The following SLC14A2 variants were observed in gnomAD, a reference collection of about 807,000 sequenced individuals.
SLC14A2 encodes the protein solute carrier family 14 member 2, also known as urea transporter 2.
In SLC14A2, 91 loss-of-function variants were observed where a neutral mutation model predicts 104.6. That is an observed-to-expected ratio of 0.87 (90% CI 0.73 to 1.04). SLC14A2 has a LOEUF of 1.04. Among genes scored for constraint, SLC14A2 ranks in the 50% least tolerant of loss-of-function variants. The pLI, the probability that SLC14A2 is intolerant of heterozygous loss-of-function variation, is 0.00. For synonymous variants in SLC14A2, 476 were observed against 466.4 expected, an observed-to-expected ratio of 1.02 and a Z score of -0.27; for missense variants, 1,189 against 1,156.0, an observed-to-expected ratio of 1.03 and a Z score of -0.41.
At chr18:45,572,902 G>A (rs540548790) in intron 2 of SLC14A2, among the ~76,000 whole-genome samples, 2 of 152,322 alleles carry the variant, frequency 1.3e-5, no homozygotes, top group South Asian at 2.1e-4. Flanking sequence ...ATAAGGATGA[G>A]TACGTAATAA....
intron 1 of SLC14A2, among the ~76,000 whole-genome samples, chr18:45,311,811 G>T (rs1281111359): frequency 6.6e-6 from 1 of 152,192 alleles, no homozygotes; most frequent in Non-Finnish European, 1.5e-5. Context: ...ACTGATCTGT[G>T]TGATTCTTGA....
At chr18:45,303,148 A>G (rs770703758) in intron 1 of SLC14A2, among the ~76,000 whole-genome samples, 5 of 152,248 alleles carry the variant, frequency 3.3e-5, no homozygotes, top group African/African-American at 4.8e-5. Flanking sequence ...CAGAGACTCC[A>G]GCACAGCCAC....
intron 2 of SLC14A2, among the ~76,000 whole-genome samples, chr18:45,544,770 T>C (rs571778064): frequency 6.7e-6 from 1 of 149,996 alleles, no homozygotes; most frequent in Non-Finnish European, 1.5e-5. Flanking sequence ...ATTATATATA[T>C]ATTTATCAAT....
At chr18:45,202,509 A>AT in the SLC14A2 span, among the ~76,000 whole-genome samples, 1,205 of 152,296 alleles carry the variant, frequency 7.9e-3, 24 homozygotes, top group African/African-American at 0.027. Flanking sequence ...CAAACATAAC[A>AT]TTGGGGAGTA....
intron 1 of SLC14A2, among the ~76,000 whole-genome samples, chr18:45,216,713 TA>T (rs111479071): frequency 0.11 from 16,554 of 152,194 alleles, 930 homozygotes; most frequent in Non-Finnish European, 0.12. Context: ...ATCTTGGACA[TA>T]GGGGGGCCGA....
chr18:45,325,236 G>C (rs915934466), intron 1 of SLC14A2, among the ~76,000 whole-genome samples: 1 of 152,186 alleles, frequency 6.6e-6, no homozygotes, highest in East Asian at 1.9e-4. Flanking sequence ...GGAATGGGTG[G>C]TGTCAACGTC....
intron 1 of SLC14A2, among the ~76,000 whole-genome samples, chr18:45,419,740 C>G (rs985719929): frequency 1.3e-5 from 2 of 149,660 alleles, no homozygotes; most frequent in African/African-American, 2.5e-5. Context: ...CACCACTGCA[C>G]TCCAGCCTGG....
intron 1 of SLC14A2, among the ~76,000 whole-genome samples, chr18:45,340,990 A>G (rs1347911135): frequency 6.6e-6 from 1 of 152,190 alleles, no homozygotes; most frequent in Non-Finnish European, 1.5e-5. Flanking sequence ...AGAAGATAAG[A>G]AAAACAATTC....
upstream of SLC14A2, among the ~76,000 whole-genome samples, chr18:45,612,619 T>C (rs1370390602): frequency 1.3e-5 from 2 of 152,226 alleles, no homozygotes; most frequent in African/African-American, 2.4e-5. Flanking sequence ...ACCTCACAGA[T>C]GGGATGAGAA....
At chr18:45,461,258 T>C (rs1399620678) in intron 1 of SLC14A2, among the ~76,000 whole-genome samples, 1 of 152,214 alleles carries the variant, frequency 6.6e-6, no homozygotes, top group Non-Finnish European at 1.5e-5. Flanking sequence ...TGGGAAAACT[T>C]GCATTGGGGA....
intron 2 of SLC14A2, among the ~76,000 whole-genome samples, chr18:45,530,177 A>G (rs2043661201): frequency 1.3e-5 from 2 of 152,214 alleles, no homozygotes; most frequent in Admixed American, 1.3e-4. Flanking sequence ...TGTGCTAAGC[A>G]TTGTGCTAGG....
At chr18:45,486,472 C>A (rs1328830047) in intron 2 of SLC14A2, among the ~76,000 whole-genome samples, 1 of 152,040 alleles carries the variant, frequency 6.6e-6, no homozygotes, top group Admixed American at 6.6e-5. Context: ...ATGGTAACTA[C>A]CATTTTTCAC....
chr18:45,667,149 A>C, intron 13 of SLC14A2, 55 bp downstream of exon 13: 1 of 1,478,804 alleles, frequency 6.8e-7, no homozygotes, highest in South Asian at 1.2e-5. Flanking sequence ...ACCTCCACCC[A>C]TCCCCAGGAA....
At chr18:45,317,494 G>A (rs1183732843) in intron 1 of SLC14A2, among the ~76,000 whole-genome samples, 1 of 152,164 alleles carries the variant, frequency 6.6e-6, no homozygotes, top group Non-Finnish European at 1.5e-5. Context: ...ATCCATGAGA[G>A]AGAATAACAG....
chr18:45,350,516 C>T (rs1307618427), intron 1 of SLC14A2, among the ~76,000 whole-genome samples: 1 of 152,152 alleles, frequency 6.6e-6, no homozygotes, highest in Non-Finnish European at 1.5e-5. Context: ...CAGTTTAATT[C>T]CAAATATCTG....
intron 1 of SLC14A2, among the ~76,000 whole-genome samples, chr18:45,320,573 C>A (rs1402053012): frequency 6.6e-6 from 1 of 152,116 alleles, no homozygotes; most frequent in Non-Finnish European, 1.5e-5. Context: ...TTGCACTGAC[C>A]TTGCCTTGTG....
chr18:45,262,201 CAT>C (rs2084546512), intron 1 of SLC14A2, among the ~76,000 whole-genome samples: 1 of 152,136 alleles, frequency 6.6e-6, no homozygotes, highest in Non-Finnish European at 1.5e-5. Flanking sequence ...AAAAACAAAA[CAT>C]AAAAACTTCA....
chr18:45,563,556 G>A (rs542821583), intron 2 of SLC14A2, among the ~76,000 whole-genome samples: 51 of 152,252 alleles, frequency 3.3e-4, no homozygotes, highest in Middle Eastern at 3.4e-3. Flanking sequence ...TGACACATCC[G>A]TAATACTTTT....
chr18:45,495,286 G>A (rs2043073883), intron 2 of SLC14A2, among the ~76,000 whole-genome samples: 1 of 152,178 alleles, frequency 6.6e-6, no homozygotes, highest in Non-Finnish European at 1.5e-5. Flanking sequence ...TTTGTCCAAA[G>A]TAGAAAAATA....
Sources: allele counts gnomAD v4.1 joint callset (sites outside exome capture counted in the v4.1 genomes callset), GRCh38; gene constraint gnomAD v4.1.1; transcripts MANE v1.5; gene names NCBI Gene and HGNC (gene_info 2026-07-23, HGNC 2026-07-21).